Variants in DEPDC5 observed in about 807,000 individuals in gnomAD.
DEPDC5 encodes DEP domain containing 5, GATOR1 subcomplex subunit.
In DEPDC5, 73 loss-of-function variants were observed where a neutral mutation model predicts 217.3. The ratio of observed to expected loss-of-function variants is 0.34; its 90% CI spans 0.28 to 0.41. DEPDC5 has a LOEUF of 0.41. Among genes scored for constraint, DEPDC5 ranks in the 10% least tolerant of loss-of-function variants. The pLI is 1.00. For missense variants in DEPDC5, 1,675 were observed against 2,070.1 expected (o/e 0.81, Z 3.70); for synonymous variants, 733 against 756.7 (o/e 0.97, Z 0.51).
chr22:31,901,535 G>A (rs2093648771), intron 40 of DEPDC5, among the ~76,000 whole-genome samples: 1 of 152,190 alleles, frequency 6.6e-6, no homozygotes, highest in African/African-American at 2.4e-5. Flanking sequence ...GCTTGCTTGG[G>A]GGAAGGGATG....
intron 24 of DEPDC5, among the ~76,000 whole-genome samples, chr22:31,833,601 T>C (rs2090766230): frequency 6.6e-6 from 1 of 152,206 alleles, no homozygotes; most frequent in African/African-American, 2.4e-5. Flanking sequence ...TAAAGATTGC[T>C]CTAATTAGTT....
At position 31,754,894 on chromosome 22, in the gene DEPDC5, G is replaced by A. The variant is rs762965656; in HGVS notation, c.-28G>A. On this transcript the variant is annotated 5_prime_UTR_variant, in exon 2 of 43. An upstream open reading frame in the 5' UTR gains an earlier in-frame stop. Coordinates refer to ENST00000651528, the MANE Select transcript of DEPDC5 (RefSeq NM_001242896.3). The stretch of plus-strand genomic sequence containing the variant: ...AGATGACTTCTCTGCCCCAAGCTTG[G>A]AACAGCTAAAGGGAAAAACAGTGCA... 18 of 1,613,770 alleles carry A rather than the reference G, an allele frequency of 1.1e-5. 1 individual carries two copies. The highest frequency in any genetic ancestry group is 2.2e-5 in the East Asian group (1 of 44,878).
intron 24 of DEPDC5, among the ~76,000 whole-genome samples, chr22:31,832,573 C>A (rs1331981554): frequency 2.6e-5 from 4 of 151,952 alleles, no homozygotes; most frequent in African/African-American, 9.7e-5. Context: ...TCACTGCAAC[C>A]TTGGACTTCT....
At chr22:31,771,763 AC>A (rs2148224096) in intron 7 of DEPDC5, among the ~76,000 whole-genome samples, 1 of 137,992 alleles carries the variant, frequency 7.2e-6, no homozygotes, top group Non-Finnish European at 1.6e-5. Flanking sequence ...ACACACACAC[AC>A]ACACACACAC....
At chr22:31,785,008 C>T (rs1314025639) in intron 10 of DEPDC5, 133 bp downstream of exon 10, 1 of 655,632 alleles carries the variant, frequency 1.5e-6, no homozygotes, top group Non-Finnish European at 2.5e-6. Flanking sequence ...ATTTAAATTA[C>T]CCTAATAATC....
At chr22:31,903,736 C>T (rs903304227) in intron 41 of DEPDC5, among the ~76,000 whole-genome samples, 7 of 144,528 alleles carry the variant, frequency 4.8e-5, no homozygotes, top group Non-Finnish European at 1.1e-4. Context: ...CCACCTTTCA[C>T]ACTTAAACCT....
At chr22:31,891,286 A>G (rs1402513157) in intron 38 of DEPDC5, 4 of 506,662 alleles carry the variant, frequency 7.9e-6, no homozygotes, top group Non-Finnish European at 1.1e-5. Flanking sequence ...AGCAAAAAAC[A>G]TATCACTTAA....
chr22:31,766,071 G>T (rs1016757041), intron 5 of DEPDC5, among the ~76,000 whole-genome samples: 1 of 152,134 alleles, frequency 6.6e-6, no homozygotes, highest in African/African-American at 2.4e-5. Flanking sequence ...ATGTCATTTA[G>T]AATGTAGGCA....
intron 41 of DEPDC5, among the ~76,000 whole-genome samples, chr22:31,904,388 T>A (rs2093719425): frequency 6.6e-6 from 1 of 152,084 alleles, no homozygotes; most frequent in African/African-American, 2.4e-5. Flanking sequence ...AAAAAATTAC[T>A]CTGGTAAAAA....
intron 26 of DEPDC5, among the ~76,000 whole-genome samples, chr22:31,838,480 T>C (rs2091185716): frequency 2.0e-5 from 3 of 152,092 alleles, no homozygotes; most frequent in South Asian, 2.1e-4. Flanking sequence ...CCTGGGCTTA[T>C]GCATATGCAA....
rs886039263 is a variant in DEPDC5, at chr22:31,819,114, C to T, written c.1759C>T (p.Arg587Ter). Residue 587 changes from arginine to a stop codon, truncating the protein, a stop_gained, in exon 22 of 43, where the codon CGA becomes TGA. Coordinates refer to ENST00000651528, the MANE Select transcript of DEPDC5 (RefSeq NM_001242896.3). LOFTEE classifies it high-confidence loss of function. ...CAGTGCAGAATCCATGCTGCATGTT[C>T]GACCTGGTGGATACACGCCCCAGAG... ...VGSAESMLHVRPGGYTPQRAL... is the reference protein window; with the variant it reads ...VGSAESMLHV 2 of 1,614,178 alleles carry T rather than the reference C, an allele frequency of 1.2e-6. No individual in the cohort carries two copies. Among genetic ancestry groups the T allele is most frequent in the Admixed American group, 1.7e-5 (1 of 60,024 alleles).
rs2075187537 is a variant in DEPDC5 at position 31,754,893 on chromosome 22, G to C, written c.-29G>C. The C allele has an allele frequency of 3.1e-6, 5 of 1,613,504 alleles. No individual in the cohort carries two copies. In the African/African-American group the frequency reaches 6.7e-5, roughly 22 times the overall value. Reference sequence around the variant, plus strand: ...AAGATGACTTCTCTGCCCCAAGCTTGGAACAGCTAAAGGGAAAAACAGTGC... The same window carrying C: ...AAGATGACTTCTCTGCCCCAAGCTTCGAACAGCTAAAGGGAAAAACAGTGC... On this transcript the variant is annotated 5_prime_UTR_variant, in exon 2 of 43. Transcript: ENST00000651528.
intron 36 of DEPDC5, 86 bp downstream of exon 36, chr22:31,874,491 TA>T: frequency 6.8e-7 from 1 of 1,467,026 alleles, no homozygotes; most frequent in South Asian, 1.4e-5. Context: ...CCCTTTCCAG[TA>T]ATGAGATCTG....
At chr22:31,883,603 AC>A (rs1187521098) in intron 38 of DEPDC5, among the ~76,000 whole-genome samples, 1 of 152,216 alleles carries the variant, frequency 6.6e-6, no homozygotes, top group African/African-American at 2.4e-5. Flanking sequence ...CCTGATGGGT[AC>A]TACAATTTAT....
chr22:31,869,327 A>G (rs1161405516), intron 33 of DEPDC5, among the ~76,000 whole-genome samples: 2 of 151,782 alleles, frequency 1.3e-5, no homozygotes, highest in Non-Finnish European at 2.9e-5. Flanking sequence ...GTAGAGAGGG[A>G]GATGGATCTC....
intron 35 of DEPDC5, 122 bp downstream of exon 35, chr22:31,873,454 T>A: frequency 9.5e-7 from 1 of 1,053,270 alleles, no homozygotes; most frequent in Non-Finnish European, 1.4e-6. Context: ...TTTGAGAGCT[T>A]GGGCAAGTCA....
At chr22:31,829,172 CAT>C (rs2090397547) in intron 24 of DEPDC5, among the ~76,000 whole-genome samples, 1 of 152,192 alleles carries the variant, frequency 6.6e-6, no homozygotes, top group African/African-American at 2.4e-5. Flanking sequence ...TAGATTACCA[CAT>C]AGAGTCCTTG....
intron 38 of DEPDC5, among the ~76,000 whole-genome samples, chr22:31,888,603 G>A (rs886595191): frequency 6.6e-6 from 1 of 151,980 alleles, no homozygotes; most frequent in African/African-American, 2.4e-5. Context: ...AGGCTGGAGT[G>A]CTGTGGCATG....
At position 31,864,526 on chromosome 22, in the gene DEPDC5, T is replaced by TATATA. The variant is rs1335760559; in HGVS notation, c.3330+3093_3330+3094insATATA. Among the ~76,000 whole-genome samples, 1,122 of 117,654 alleles carry TATATA rather than the reference T, an allele frequency of 9.5e-3. 12 individuals are homozygous for TATATA. The highest frequency in any genetic ancestry group is 0.013 in the South Asian group (50 of 3,734). The allele number at this position is 117,654 out of a possible 152,430, so 77.2% of individuals were successfully genotyped here. On this transcript the variant is annotated intron_variant, in intron 33 of 42. Transcript: ENST00000651528. ...AATATATATATATATATATATATAT[T>TATATA]TATATATTTATTTATTTACTGTGTG...
Sources: allele counts gnomAD v4.1 joint callset (sites outside exome capture counted in the v4.1 genomes callset), GRCh38; gene constraint gnomAD v4.1.1; transcripts MANE v1.5; gene names NCBI Gene and HGNC (gene_info 2026-07-23, HGNC 2026-07-21).